DOCK4: variants seen among roughly 807,000 people sequenced by gnomAD.
The protein encoded by DOCK4 is dedicator of cytokinesis 4, also known as dedicator of cytokinesis protein 4.
DOCK4 carries 97 observed loss-of-function variants against 268.1 expected under a neutral mutation model. The ratio of observed to expected loss-of-function variants is 0.36; its 90% confidence interval spans 0.31 to 0.43. The LOEUF is 0.43. DOCK4 is among the 20% of genes least tolerant of loss of function. DOCK4 has a pLI of 1.00. For synonymous variants in DOCK4, 954 were observed against 887.2 expected, an observed-to-expected ratio of 1.08 and a Z score of -1.34; for missense variants, 2,145 against 2,455.7, an observed-to-expected ratio of 0.87 and a Z score of 2.67.
At chr7:111,831,567 C>A (rs1397029537) in intron 26 of DOCK4, among the ~76,000 whole-genome samples, 2 of 151,938 alleles carry the variant, frequency 1.3e-5, no homozygotes, top group Non-Finnish European at 2.9e-5. Context: ...TCACTGCAGC[C>A]TCCACCTCCC....
intron 1 of DOCK4, among the ~76,000 whole-genome samples, chr7:112,066,659 TTATACATATACATATACATA>T (rs1423360211): frequency 0.065 from 4,488 of 68,928 alleles, 394 homozygotes; most frequent in East Asian, 0.083. Flanking sequence ...TATACACATA[TTATACATATACATATACATA>T]TATACATATA....
At chr7:111,933,298 ATTTT>A (rs376735342) in intron 12 of DOCK4, among the ~76,000 whole-genome samples, 12 of 74,826 alleles carry the variant, frequency 1.6e-4, no homozygotes, top group Admixed American at 2.5e-4. Context: ...ATATATATAT[ATTTT>A]TTTTTTTTTT....
At chr7:112,054,414 A>G (rs1362034231) in intron 1 of DOCK4, among the ~76,000 whole-genome samples, 1 of 152,176 alleles carries the variant, frequency 6.6e-6, no homozygotes, top group Non-Finnish European at 1.5e-5. Context: ...TTTCTAGGGA[A>G]AAGAACTTTC....
intron 23 of DOCK4, 149 bp downstream of exon 23, chr7:111,863,223 T>C (rs1456855249): frequency 1.2e-5 from 9 of 748,464 alleles, no homozygotes; most frequent in Admixed American, 2.6e-5. Flanking sequence ...TGTATTTGAC[T>C]ACTAAATACA....
chr7:111,798,410 C>T (rs138837751), intron 30 of DOCK4, among the ~76,000 whole-genome samples: 11 of 152,334 alleles, frequency 7.2e-5, no homozygotes, highest in African/African-American at 2.6e-4. Flanking sequence ...CTCTTTTCTC[C>T]TCTCTAATCC....
chr7:112,097,525 C>A (rs1810265589), intron 1 of DOCK4, among the ~76,000 whole-genome samples: 1 of 152,028 alleles, frequency 6.6e-6, no homozygotes, highest in South Asian at 2.1e-4. Context: ...TGTACTCCAG[C>A]CTGAGTGACA....
At chr7:111,808,778 G>A (rs199558282) in intron 30 of DOCK4, 43 bp downstream of exon 30, 212 of 1,580,926 alleles carry the variant, frequency 1.3e-4, no homozygotes, top group African/African-American at 1.3e-3. Context: ...AAGGTACAGC[G>A]AGGAGCTGTA....
At chr7:111,763,257 G>A (rs1797568905) in intron 39 of DOCK4, among the ~76,000 whole-genome samples, 1 of 152,042 alleles carries the variant, frequency 6.6e-6, no homozygotes, top group Admixed American at 6.6e-5. Flanking sequence ...CTGGCCAAAA[G>A]GATGTTTTTA....
chr7:112,162,676 G>A (rs986034990), intron 1 of DOCK4, among the ~76,000 whole-genome samples: 2 of 152,008 alleles, frequency 1.3e-5, no homozygotes, highest in Admixed American at 1.3e-4. Context: ...ACTTTGAGGA[G>A]GGTTTTTATC....
chr7:112,096,425 C>A (rs926736635), intron 1 of DOCK4, among the ~76,000 whole-genome samples: 1 of 152,156 alleles, frequency 6.6e-6, no homozygotes, highest in Admixed American at 6.5e-5. Flanking sequence ...TCAAGCAATT[C>A]TCCCACCTTA....
At chr7:111,990,166 A>C (rs552150395) in intron 5 of DOCK4, among the ~76,000 whole-genome samples, 1 of 152,340 alleles carries the variant, frequency 6.6e-6, no homozygotes, top group African/African-American at 2.4e-5. Flanking sequence ...CTGGCCCAGA[A>C]AAAATATGTA....
chr7:112,027,699 G>C (rs937005403), intron 1 of DOCK4, among the ~76,000 whole-genome samples: 12 of 152,206 alleles, frequency 7.9e-5, no homozygotes, highest in African/African-American at 2.9e-4. Context: ...CTGCATCAAA[G>C]AGCTTTGATT....
chr7:111,827,192 C>A (rs956842635), intron 26 of DOCK4, among the ~76,000 whole-genome samples: 1 of 152,144 alleles, frequency 6.6e-6, no homozygotes, highest in Non-Finnish European at 1.5e-5. Flanking sequence ...TAATCATTAT[C>A]ACATTGAAAC....
intron 1 of DOCK4, among the ~76,000 whole-genome samples, chr7:112,157,725 G>C (rs557608752): frequency 6.6e-6 from 1 of 152,138 alleles, no homozygotes; most frequent in Non-Finnish European, 1.5e-5. Flanking sequence ...TCAAGGAAGT[G>C]TGGCATGACT....
intron 8 of DOCK4, among the ~76,000 whole-genome samples, chr7:111,976,267 T>TA (rs1421447814): frequency 1.3e-4 from 10 of 75,276 alleles, no homozygotes; most frequent in South Asian, 4.9e-4. Context: ...TATGTGTGTC[T>TA]ATTATATATA....
At chr7:111,931,628 G>T (rs1794209734) in intron 12 of DOCK4, among the ~76,000 whole-genome samples, 1 of 152,130 alleles carries the variant, frequency 6.6e-6, no homozygotes, top group Admixed American at 6.5e-5. Flanking sequence ...TATAGAAGGG[G>T]TCGGTTCAAT....
At chr7:112,090,214 G>A (rs764705038) in intron 1 of DOCK4, among the ~76,000 whole-genome samples, 2 of 152,114 alleles carry the variant, frequency 1.3e-5, no homozygotes, top group African/African-American at 2.4e-5. Context: ...GGTATCATTA[G>A]AGGTTCTAAA....
chr7:112,026,053 C>CT (rs1265911511), intron 1 of DOCK4, among the ~76,000 whole-genome samples: 1 of 152,224 alleles, frequency 6.6e-6, no homozygotes, highest in Non-Finnish European at 1.5e-5. Context: ...TCCCACAACT[C>CT]TTAACACTAG....
At chr7:112,081,847 T>C (rs889298934) in intron 1 of DOCK4, among the ~76,000 whole-genome samples, 2 of 152,152 alleles carry the variant, frequency 1.3e-5, no homozygotes, top group Non-Finnish European at 2.9e-5. Context: ...TATCACAGTA[T>C]AAAATGTGAA....
Sources: gnomAD v4.1 joint callset for allele counts (sites outside exome capture counted in the v4.1 genomes callset) on GRCh38, gnomAD v4.1.1 for gene constraint, MANE v1.5 for transcripts, NCBI Gene and HGNC (gene_info 2026-07-23, HGNC 2026-07-21) for gene names.